POFUT3: variants seen among roughly 807,000 people sequenced by gnomAD.
POFUT3 encodes protein O-fucosyltransferase 3.
the POFUT3 span, among the ~76,000 whole-genome samples, chr8:33,317,190 G>T: frequency 6.6e-6 from 1 of 152,086 alleles, no homozygotes; most frequent in Non-Finnish European, 1.5e-5. Flanking sequence ...AAAATACTTG[G>T]TTCCCCATAA....
chr8:33,467,025 G>A, the POFUT3 span, among the ~76,000 whole-genome samples: 1 of 151,876 alleles, frequency 6.6e-6, no homozygotes, highest in African/African-American at 2.4e-5. Flanking sequence ...AGGATTGCTT[G>A]AACCCAGGAG....
chr8:33,387,549 A>G, the POFUT3 span, among the ~76,000 whole-genome samples: 1 of 152,202 alleles, frequency 6.6e-6, no homozygotes, highest in African/African-American at 2.4e-5. Flanking sequence ...CACACCTGTA[A>G]TCCCAGCACT....
chr8:33,356,878 C>A, the POFUT3 span, among the ~76,000 whole-genome samples: 1 of 152,110 alleles, frequency 6.6e-6, no homozygotes, highest in African/African-American at 2.4e-5. Flanking sequence ...CCAGTTTCAG[C>A]TTTCTCCATA....
chr8:33,354,682 A>G, the POFUT3 span, among the ~76,000 whole-genome samples: 1 of 152,220 alleles, frequency 6.6e-6, no homozygotes, highest in Non-Finnish European at 1.5e-5. Flanking sequence ...AGCATCCCTT[A>G]GCCCAGTCAA....
At chr8:33,412,909 T>C in the POFUT3 span, among the ~76,000 whole-genome samples, 4 of 152,176 alleles carry the variant, frequency 2.6e-5, no homozygotes, top group African/African-American at 7.2e-5. Context: ...ATTACAGGCA[T>C]GAGCCACTGC....
At chr8:33,389,204 AC>A in the POFUT3 span, 86 of 1,614,028 alleles carry the variant, frequency 5.3e-5, no homozygotes, top group Non-Finnish European at 5.3e-5. Context: ...AAATTCTGAT[AC>A]AAGAATAGCA....
chr8:33,338,341 C>A, the POFUT3 span, among the ~76,000 whole-genome samples: 2 of 152,052 alleles, frequency 1.3e-5, no homozygotes, highest in Admixed American at 6.6e-5. Flanking sequence ...AACACCAACA[C>A]TTCTCAAACT....
chr8:33,349,888 A>G, the POFUT3 span, among the ~76,000 whole-genome samples: 1 of 152,212 alleles, frequency 6.6e-6, no homozygotes, highest in Non-Finnish European at 1.5e-5. Context: ...GTACTAGTTT[A>G]CATTCCCACC....
At chr8:33,309,167 A>AATATATATAT in the POFUT3 span, among the ~76,000 whole-genome samples, 6 of 53,672 alleles carry the variant, frequency 1.1e-4, no homozygotes, top group African/African-American at 1.8e-4. Context: ...AAAAAAAAAA[A>AATATATATAT]ATATATATAT....
At chr8:33,321,041 A>G in the POFUT3 span, among the ~76,000 whole-genome samples, 19 of 152,096 alleles carry the variant, frequency 1.2e-4, no homozygotes, top group Non-Finnish European at 2.5e-4. Context: ...CTAATGATTC[A>G]TAAGACCTCC....
At chr8:33,447,426 G>A in the POFUT3 span, among the ~76,000 whole-genome samples, 1 of 150,814 alleles carries the variant, frequency 6.6e-6, no homozygotes, top group African/African-American at 2.5e-5. Flanking sequence ...TCCAGCCTGG[G>A]CGACAGGGCA....
the POFUT3 span, among the ~76,000 whole-genome samples, chr8:33,310,729 A>T: frequency 6.6e-6 from 1 of 151,462 alleles, no homozygotes; most frequent in African/African-American, 2.4e-5. Flanking sequence ...GAAAAGACAG[A>T]ACATTGTCGA....
At chr8:33,429,467 T>A in the POFUT3 span, among the ~76,000 whole-genome samples, 2 of 152,220 alleles carry the variant, frequency 1.3e-5, no homozygotes, top group Non-Finnish European at 2.9e-5. Flanking sequence ...TAAAATCAAC[T>A]TTGGCTTCTT....
At chr8:33,421,027 G>A in the POFUT3 span, among the ~76,000 whole-genome samples, 1 of 151,790 alleles carries the variant, frequency 6.6e-6, no homozygotes, top group Non-Finnish European at 1.5e-5. Context: ...GGAAAGACAG[G>A]TGGGAAGAAG....
chr8:33,437,000 G>C, the POFUT3 span, among the ~76,000 whole-genome samples: 222 of 152,198 alleles, frequency 1.5e-3, no homozygotes, highest in African/African-American at 4.8e-3. Flanking sequence ...ACTTATAAGA[G>C]AGAACGTGCA....
chr8:33,461,583 TG>T, the POFUT3 span: 1 of 1,545,100 alleles, frequency 6.5e-7, no homozygotes. Context: ...CCATTCCTGC[TG>T]GGACCAGGTC....
the POFUT3 span, among the ~76,000 whole-genome samples, chr8:33,432,938 A>T: frequency 1.3e-5 from 2 of 152,146 alleles, no homozygotes; most frequent in Non-Finnish European, 2.9e-5. Flanking sequence ...GAAGTACTTA[A>T]AATCATTCAT....
chr8:33,470,230 T>C, the POFUT3 span, among the ~76,000 whole-genome samples: 2 of 101,270 alleles, frequency 2.0e-5, no homozygotes, highest in African/African-American at 4.7e-5. Flanking sequence ...CAAGAACCCA[T>C]CTCTACAAAA....
At chr8:33,347,554 C>G in the POFUT3 span, among the ~76,000 whole-genome samples, 2 of 152,136 alleles carry the variant, frequency 1.3e-5, no homozygotes, top group Non-Finnish European at 2.9e-5. Context: ...TACTCATGGG[C>G]AGGTTTTTAA....
Sources: allele counts gnomAD v4.1 joint callset (sites outside exome capture counted in the v4.1 genomes callset), GRCh38; gene constraint gnomAD v4.1.1; transcripts MANE v1.5; gene names NCBI Gene and HGNC (gene_info 2026-07-23, HGNC 2026-07-21).